Variants in SYNE2 observed in about 807,000 individuals in gnomAD.
SYNE2 encodes the protein nesprin-2.
A neutral mutation model predicts 856.3 loss-of-function variants in SYNE2; 431 were observed. The ratio of observed to expected loss-of-function variants is 0.50; its 90% CI spans 0.47 to 0.55. The LOEUF (loss-of-function observed/expected upper bound fraction) is 0.55, where lower values mean the gene tolerates loss of function less well. SYNE2 is among the 20% of genes least tolerant of loss of function. The pLI is 0.00. For missense variants in SYNE2, 8,129 were observed against 8,023.2 expected, an observed-to-expected ratio of 1.01 and a Z score of -0.50; for synonymous variants, 2,923 against 2,872.3, an observed-to-expected ratio of 1.02 and a Z score of -0.56.
intron 17 of SYNE2, among the ~76,000 whole-genome samples, chr14:63,983,307 C>CT (rs1566970129): frequency 6.6e-6 from 1 of 152,062 alleles, no homozygotes; most frequent in Non-Finnish European, 1.5e-5. Context: ...CACATGTTTT[C>CT]TTTGAGTGTA....
intron 45 of SYNE2, among the ~76,000 whole-genome samples, chr14:64,040,109 TC>T (rs2097136028): frequency 6.6e-6 from 1 of 152,196 alleles, no homozygotes; most frequent in African/African-American, 2.4e-5. Context: ...TGTCTGTCTA[TC>T]TACTTACTTA....
intron 10 of SYNE2, 130 bp from the exon 11 acceptor site, chr14:63,967,579 G>C (rs1055133288): frequency 4.6e-6 from 4 of 875,094 alleles, no homozygotes; most frequent in Non-Finnish European, 5.2e-6. Flanking sequence ...AGAGGATACT[G>C]GATTCAGGGG....
intron 8 of SYNE2, among the ~76,000 whole-genome samples, chr14:63,959,425 G>A (rs981072204): frequency 6.6e-6 from 1 of 150,974 alleles, no homozygotes; most frequent in African/African-American, 2.4e-5. Context: ...AGCCTCCTGA[G>A]TAGCTGGGAT....
At chr14:64,126,975 C>G (rs1160077020) in intron 73 of SYNE2, among the ~76,000 whole-genome samples, 168 bp downstream of exon 73, 2 of 152,196 alleles carry the variant, frequency 1.3e-5, no homozygotes, top group African/African-American at 2.4e-5. Context: ...AAGTGAAGCC[C>G]TGGCCGAGTG....
intron 1 of SYNE2, among the ~76,000 whole-genome samples, chr14:63,764,504 G>A (rs1291283575): frequency 5.6e-5 from 7 of 125,274 alleles, no homozygotes; most frequent in Non-Finnish European, 1.2e-4. Flanking sequence ...ACCACCCCCT[G>A]CCCCCCGCCC....
At chr14:64,075,840 G>A (rs1398616387) in intron 53 of SYNE2, 105 bp from the exon 54 acceptor site, 2 of 1,264,586 alleles carry the variant, frequency 1.6e-6, no homozygotes, top group East Asian at 4.7e-5. Flanking sequence ...CATGCAAACT[G>A]CACTCCTTTA....
chr14:64,038,775 T>C (rs1047791093), intron 45 of SYNE2, among the ~76,000 whole-genome samples: 1 of 152,184 alleles, frequency 6.6e-6, no homozygotes, highest in African/African-American at 2.4e-5. Context: ...GAGGTTGCAG[T>C]GAGCCCAGAT....
In SYNE2 at chr14:64,067,827, A is replaced by G. The variant is rs554561828; in HGVS notation, c.10431+2177A>G. Among the ~76,000 whole-genome samples the G allele has an allele frequency of 3.9e-5, 6 of 152,324 alleles. No individual in the cohort carries two copies. In the East Asian group the frequency reaches 9.6e-4, roughly 24 times the overall value. On this transcript the variant is annotated intron_variant, in intron 51 of 115. Transcript: ENST00000555002. ...ATCATTTTATGCTTCAATGATCATA[A>G]TGTGCTAGAAGAACGTCACATTGTC...
In SYNE2 at chr14:64,062,801, C is replaced by T; in HGVS notation, c.10118C>T (p.Thr3373Ile). The change falls in exon 50 of 116, where the codon ACT becomes ATT. Residue 3373 changes from threonine to isoleucine, a missense_variant. Physicochemically the swap from Thr to Ile is moderately conservative, Grantham distance 89. Around this residue, in one of 3 missense-constraint regions of SYNE2, gnomAD observed 5,410 missense variants for 5,284.8 expected, o/e 1.02. Coordinates refer to ENST00000555002, the MANE Select transcript of SYNE2 (RefSeq NM_182914.3). ...AGAAAAATGGAAGAGGATATTTACA[C>T]TAACCTCAGCAAAATGGAGACAGTT... ...CYRKMEEDIY[T>I]NLSKMETVLG... The T allele has an allele frequency of 1.2e-6, 2 of 1,613,692 alleles. No homozygotes were observed. Among genetic ancestry groups the T allele is most frequent in the Middle Eastern group, 1.6e-4 (1 of 6,062 alleles).
intron 96 of SYNE2, among the ~76,000 whole-genome samples, chr14:64,179,696 T>G (rs952371171): frequency 6.6e-6 from 1 of 152,246 alleles, no homozygotes; most frequent in African/African-American, 2.4e-5. Context: ...ATTGCCTATT[T>G]GTGCCTTTTA....
At chr14:64,131,138 G>C (rs1208913227) in intron 76 of SYNE2, among the ~76,000 whole-genome samples, 1 of 152,114 alleles carries the variant, frequency 6.6e-6, no homozygotes, top group African/African-American at 2.4e-5. Context: ...AAGAAAAATT[G>C]AAAGGTAAAT....
chr14:64,090,680 A>G (rs1479871611), intron 59 of SYNE2, among the ~76,000 whole-genome samples, 186 bp from the exon 60 acceptor site: 2 of 152,208 alleles, frequency 1.3e-5, no homozygotes, highest in Non-Finnish European at 2.9e-5. Context: ...TGCCCCAGTT[A>G]TTCTTTCCTG....
intron 65 of SYNE2, among the ~76,000 whole-genome samples, chr14:64,112,625 T>A (rs117754389): frequency 5.3e-5 from 8 of 152,354 alleles, no homozygotes; most frequent in Non-Finnish European, 1.0e-4. Flanking sequence ...ACACCACACT[T>A]TCTTTATACT....
At chr14:64,115,432 T>C (rs1335906145) in intron 66 of SYNE2, among the ~76,000 whole-genome samples, 3 of 152,068 alleles carry the variant, frequency 2.0e-5, no homozygotes, top group Non-Finnish European at 2.9e-5. Flanking sequence ...AGGGAACTTA[T>C]GTGTCTAGCG....
chr14:63,824,133 G>A (rs969948598), intron 1 of SYNE2, among the ~76,000 whole-genome samples: 10 of 152,182 alleles, frequency 6.6e-5, no homozygotes, highest in African/African-American at 2.4e-4. Context: ...GAGCTCAGAA[G>A]TTAGAGATCA....
At chr14:64,204,309 C>A (rs944705719) in intron 100 of SYNE2, 6 of 152,108 alleles carry the variant, frequency 3.9e-5, no homozygotes, top group African/African-American at 7.2e-5. Context: ...GTTTTACTTA[C>A]AAGTGTGATC....
In SYNE2 at chr14:63,977,933, C is replaced by G. The variant is rs566909379; in HGVS notation, c.1322C>G (p.Ser441Trp). Residue 441 changes from serine (S) to tryptophan (W), a missense_variant, in exon 13 of 116, where the codon TCG becomes TGG. By Grantham distance (177) the Ser-to-Trp change is radical. This residue lies in a region of SYNE2 where 2,422 missense variants were observed against 2,357.4 expected (regional missense o/e 1.03). Coordinates refer to ENST00000555002, the MANE Select transcript of SYNE2 (RefSeq NM_182914.3). The stretch of plus-strand genomic sequence containing the variant: ...CTGATGGATAGATTTGAGCATCATT[C>G]GAACATTCTCCTTACCTTTGAAAAT... ...KSLMDRFEHH[S>W]NILLTFENKD... 4 of 1,613,542 alleles carry G rather than the reference C, an allele frequency of 2.5e-6. No individual in the cohort carries two copies. Among genetic ancestry groups the G allele is most frequent in the East Asian group, 2.2e-5 (1 of 44,856 alleles).
intron 53 of SYNE2, among the ~76,000 whole-genome samples, chr14:64,075,396 T>TA (rs1393034488): frequency 6.6e-6 from 1 of 152,192 alleles, no homozygotes; most frequent in Non-Finnish European, 1.5e-5. Context: ...TTTTATCTCC[T>TA]AAAAACCTAC....
rs1240504226 is a variant in SYNE2 at position 64,052,932 on chromosome 14, T to C, written c.9019T>C (p.Tyr3007His). The C allele has an allele frequency of 1.9e-6, 3 of 1,612,020 alleles. No homozygotes were observed. The African/African-American group carries it at 4.0e-5, about 22-fold the overall frequency. Residue 3007 changes from tyrosine (Y) to histidine (H), a missense_variant, in exon 48 of 116, where the codon TAT becomes CAT. Transcript: ENST00000555002. ...QVLKLKKVFD[Y>H]IGLNWDFSQL... ...ATTGAAACTTAAAAAAGTGTTTGAC[T>C]ATATTGGACTAAACTGGGATTTTTC...
Sources: allele counts gnomAD v4.1 joint callset (sites outside exome capture counted in the v4.1 genomes callset), GRCh38; gene constraint gnomAD v4.1.1; regional missense constraint gnomAD v4.1.1; transcripts MANE v1.5; gene names NCBI Gene and HGNC (gene_info 2026-07-23, HGNC 2026-07-21).